Variants in NID2 observed in about 807,000 individuals in gnomAD.
NID2 encodes the protein nidogen-2.
Under a neutral mutation model 145.4 loss-of-function variants are expected in NID2, and 83 were observed. The ratio of observed to expected loss-of-function variants is 0.57; its 90% CI spans 0.48 to 0.69. The LOEUF (loss-of-function observed/expected upper bound fraction) is 0.69, where lower values mean the gene tolerates loss of function less well. Ranked by LOEUF, NID2 falls within the 30% of genes least tolerant of loss-of-function variation. The pLI is 0.00. For missense variants in NID2, 1,807 were observed against 1,765.7 expected (o/e 1.02, Z -0.42); for synonymous variants, 739 against 701.3 (o/e 1.05, Z -0.85).
intron 18 of NID2, chr14:52,010,347 T>C (rs1890962957): frequency 6.6e-6 from 1 of 152,410 alleles, no homozygotes; most frequent in Admixed American, 6.5e-5. Context: ...AGTGAACAAA[T>C]CCTGTATGTC....
At chr14:52,035,878 A>ACATATATATATATATATGTTTATATT (rs1555364238) in intron 9 of NID2, among the ~76,000 whole-genome samples, 1 of 135,204 alleles carries the variant, frequency 7.4e-6, no homozygotes, top group African/African-American at 2.8e-5. Context: ...ATATATATAT[A>ACATATATATATATATATGTTTATATT]TGTTTTATTT....
intron 2 of NID2, among the ~76,000 whole-genome samples, chr14:52,065,256 A>G (rs781410398): frequency 1.3e-5 from 2 of 152,180 alleles, no homozygotes; most frequent in Non-Finnish European, 2.9e-5. Flanking sequence ...TAACTTTGCA[A>G]TATAAAGTTA....
intron 9 of NID2, among the ~76,000 whole-genome samples, chr14:52,038,544 C>T (rs1220280351): frequency 6.6e-6 from 1 of 152,268 alleles, no homozygotes; most frequent in South Asian, 2.1e-4. Context: ...TATTTCCTGA[C>T]TTTGGCAGGG....
intron 3 of NID2, among the ~76,000 whole-genome samples, chr14:52,055,105 C>A (rs374015843): frequency 1.1e-4 from 16 of 152,310 alleles, no homozygotes; most frequent in African/African-American, 3.6e-4. Context: ...AAGTGTTTCA[C>A]ATTCTTCAAT....
chr14:52,044,505 C>T (rs980357462), intron 5 of NID2, among the ~76,000 whole-genome samples: 16 of 152,056 alleles, frequency 1.1e-4, no homozygotes, highest in Non-Finnish European at 2.1e-4. Context: ...CTCCTGACCT[C>T]GTGATCCACC....
At chr14:52,014,719 G>T (rs1451529095) in intron 15 of NID2, among the ~76,000 whole-genome samples, 4 of 148,906 alleles carry the variant, frequency 2.7e-5, no homozygotes, top group African/African-American at 9.9e-5. Flanking sequence ...TTTTTTTCAA[G>T]AGAAAAAAAA....
At chr14:52,030,555 A>AGAACGGAAGGAAGG (rs1225554532) in intron 9 of NID2, among the ~76,000 whole-genome samples, 3 of 71,618 alleles carry the variant, frequency 4.2e-5, no homozygotes, top group Non-Finnish European at 6.1e-5. Context: ...AAAGAAAGAA[A>AGAACGGAAGGAAGG]GAAAGAAAGA....
At chr14:52,021,716 A>G (rs192860894) in intron 12 of NID2, among the ~76,000 whole-genome samples, 6 of 152,354 alleles carry the variant, frequency 3.9e-5, no homozygotes, top group African/African-American at 1.4e-4. Flanking sequence ...CTCCCTGGAT[A>G]CCATCATTTC....
intron 3 of NID2, among the ~76,000 whole-genome samples, chr14:52,059,912 T>C (rs954519529): frequency 1.3e-5 from 2 of 152,242 alleles, no homozygotes; most frequent in Non-Finnish European, 2.9e-5. Flanking sequence ...TTCCAGTATC[T>C]ATACCCAATA....
At chr14:52,055,431 C>T (rs1892813383) in intron 3 of NID2, among the ~76,000 whole-genome samples, 1 of 152,016 alleles carries the variant, frequency 6.6e-6, no homozygotes, top group South Asian at 2.1e-4. Flanking sequence ...AATACAAATG[C>T]CAAAACCTAA....
rs1335074571 is a variant in NID2, at chr14:52,005,447, C to CTGAT, written c.*35_*38dup. ...GTCACTGTTCTTTAGGGTCCAGGTT[C>CTGAT]TGATTGTAAACTCCAAGTCTTCCTT... On this transcript the variant is annotated 3_prime_UTR_variant, in exon 22 of 22. Transcript: ENST00000216286. 5 of 1,559,282 alleles carry CTGAT rather than the reference C, an allele frequency of 3.2e-6. No individual in the cohort carries two copies. The East Asian group carries it at 6.7e-5, about 21-fold the overall frequency.
At chr14:52,024,736 G>A (rs1020336239) in intron 12 of NID2, among the ~76,000 whole-genome samples, 7 of 152,084 alleles carry the variant, frequency 4.6e-5, no homozygotes, top group African/African-American at 1.7e-4. Flanking sequence ...TAAAAGCAGA[G>A]AACCAGAAAT....
In NID2 at chr14:52,068,771, A is replaced by C; in HGVS notation, c.224T>G (p.Leu75Arg). The C allele has an allele frequency of 6.2e-7, 1 of 1,602,294 alleles. No homozygotes were observed. The highest frequency in any genetic ancestry group is 8.5e-7 in the Non-Finnish European group (1 of 1,178,612). The change falls in exon 1 of 22, where the codon CTC becomes CGC. Residue 75 changes from leucine (L) to arginine (R), a missense_variant. Transcript: ENST00000216286. ...CCAGGAGGGGGCTGAACTTACGTAG[A>C]GGTTGCTGAATCGGGCTTCGTAGAA... ...LHFYEARFSNLYVGTNGIIST... is the reference protein window; with the variant it reads ...LHFYEARFSNRYVGTNGIIST...
Position 52,019,194 on chromosome 14 carries a change from C to CTCG in NID2, c.2892_2894dup (p.Asp964dup). ...ACTGTAGGGGCAGGAAGTTGCCCTG[C>CTCG]TCGTCGCATTGGGGGATGTGGAACC... On this transcript the variant is annotated inframe_insertion, in exon 14 of 22. Coordinates refer to ENST00000216286, the MANE Select transcript of NID2 (RefSeq NM_007361.4). 6.2e-7 allele frequency: 1 copy of CTCG among 1,614,036 alleles called. No individual in the cohort carries two copies.
intron 14 of NID2, among the ~76,000 whole-genome samples, chr14:52,017,014 G>A (rs1891233903): frequency 6.6e-6 from 1 of 152,206 alleles, no homozygotes; most frequent in Non-Finnish European, 1.5e-5. Context: ...CCGTGGAGAA[G>A]GTAAGACTCT....
intron 14 of NID2, 43 bp downstream of exon 14, chr14:52,019,018 C>G (rs910939779): frequency 1.3e-6 from 2 of 1,496,582 alleles, no homozygotes; most frequent in Non-Finnish European, 1.9e-6. Flanking sequence ...ATCTACCTAC[C>G]ACCAGTGCCA....
In NID2 at chr14:52,027,268, G is replaced by A. The variant is rs1030725072; in HGVS notation, c.2607C>T (p.His869=). ...CAPAGQARCV[H]HGGSTFSCAC... ...CACAGCTGAACGTGCTGCCTCCATG[G>A]TGAACACACCGGGCCTGCCCAGCAG... Residue 869 remains histidine, a synonymous_variant, in exon 12 of 22, where the codon CAC becomes CAT. Coordinates refer to ENST00000216286, the MANE Select transcript of NID2 (RefSeq NM_007361.4). The A allele has an allele frequency of 6.3e-7, 1 of 1,598,178 alleles. No homozygotes were observed. The highest frequency in any genetic ancestry group is 8.5e-7 in the Non-Finnish European group (1 of 1,172,998).
rs1258814598 is a variant in NID2 at position 52,054,201 on chromosome 14, C to G, written c.888G>C (p.Leu296=). 1.2e-6 allele frequency: 2 copies of G among 1,614,124 alleles called. No homozygotes were observed. Among genetic ancestry groups the G allele is most frequent in the Non-Finnish European group, 1.7e-6 (2 of 1,180,020 alleles). The change falls in exon 4 of 22, where the codon CTG becomes CTC. Residue 296 remains leucine (L), a synonymous_variant. Transcript: ENST00000216286. Reference sequence around the variant, plus strand: ...CTGTAGCATGGCTGAAGGAACGTCCCAGGGGAACAGAAGAGTGGGCAGCGG... The same window carrying G: ...CTGTAGCATGGCTGAAGGAACGTCCGAGGGGAACAGAAGAGTGGGCAGCGG... ...DLSAAHSSVP[L]GRSFSHATAL... is the part of the protein sequence containing the mutation.
At position 52,035,878 on chromosome 14, in the gene NID2, A is replaced by ATATT. The variant is rs58318209; in HGVS notation, c.2257+2868_2257+2869insAATA. ...TGTGTATATATATATATATATATAT[A>ATATT]TGTTTTATTTTGTAGAGACAGGGTT... On this transcript the variant is annotated intron_variant, in intron 9 of 21. Coordinates refer to ENST00000216286, the MANE Select transcript of NID2 (RefSeq NM_007361.4). 1.9e-3 allele frequency among the ~76,000 whole-genome samples: 256 copies of ATATT among 135,188 alleles called. 1 individual carries two copies. Among genetic ancestry groups the ATATT allele is most frequent in the African/African-American group, 6.6e-3 (233 of 35,432 alleles). 88.7% of individuals were successfully genotyped at this position (135,188 alleles called of 152,430 possible).
Sources: allele counts gnomAD v4.1 joint callset (sites outside exome capture counted in the v4.1 genomes callset), GRCh38; gene constraint gnomAD v4.1.1; transcripts MANE v1.5; gene names NCBI Gene and HGNC (gene_info 2026-07-23, HGNC 2026-07-21).